Variants in PLD3 observed in about 807,000 individuals in gnomAD.
PLD3 encodes phospholipase D family member 3, also known as 5'-3' exonuclease PLD3.
In PLD3, 31 loss-of-function variants were observed where a neutral mutation model predicts 58.4. The ratio of observed to expected loss-of-function variants is 0.53; its 90% CI spans 0.40 to 0.72. The LOEUF is 0.72. PLD3 is among the 30% of genes least tolerant of loss of function. PLD3 has a pLI of 0.00. For missense variants in PLD3, 595 were observed against 659.8 expected (o/e 0.90, Z 1.08); for synonymous variants, 264 against 273.4 (o/e 0.97, Z 0.34).
intron 1 of PLD3, chr19:40,357,640 A>G (rs1018765107): frequency 6.6e-6 from 1 of 152,194 alleles, no homozygotes; most frequent in Non-Finnish European, 1.5e-5. Flanking sequence ...GACATCTAAA[A>G]TAATCTCCTC....
At chr19:40,377,127 G>A (rs1237688679) in intron 11 of PLD3, among the ~76,000 whole-genome samples, 20 of 123,290 alleles carry the variant, frequency 1.6e-4, no homozygotes, top group Non-Finnish European at 3.3e-4. Context: ...GGGTTGGAGG[G>A]CACAGAGAGA....
chr19:40,367,516 G>A, intron 5 of PLD3, 180 bp from the exon 6 acceptor site: 1 of 545,634 alleles, frequency 1.8e-6, no homozygotes, highest in South Asian at 2.7e-5. Flanking sequence ...AGGGGTTCGA[G>A]GCTGCAGTGA....
At chr19:40,375,945 C>A (rs1288777968) in intron 10 of PLD3, among the ~76,000 whole-genome samples, 1 of 151,664 alleles carries the variant, frequency 6.6e-6, no homozygotes, top group Non-Finnish European at 1.5e-5. Flanking sequence ...CCCAGCTACT[C>A]AGGAGACTGA....
intron 2 of PLD3, chr19:40,366,167 A>C: frequency 2.2e-6 from 1 of 456,984 alleles, no homozygotes. Context: ...GGGGGCTGCT[A>C]GAGGGGAGCT....
intron 7 of PLD3, 30 bp downstream of exon 7, chr19:40,370,058 G>T (rs1372032707): frequency 6.3e-7 from 1 of 1,575,102 alleles, no homozygotes; most frequent in East Asian, 2.3e-5. Flanking sequence ...GGGCTGGTCT[G>T]GGCCTGGGGG....
chr19:40,367,977 C>T, intron 6 of PLD3, 98 bp downstream of exon 6: 1 of 1,031,936 alleles, frequency 9.7e-7, no homozygotes, highest in Admixed American at 2.4e-5. Context: ...GCCCAGGAGA[C>T]AGAGGGGTGT....
chr19:40,361,301 G>A (rs2145674915), intron 1 of PLD3, among the ~76,000 whole-genome samples: 1 of 152,196 alleles, frequency 6.6e-6, no homozygotes, highest in African/African-American at 2.4e-5. Context: ...AGTAGAGACA[G>A]GGTTTCTCCA....
intron 1 of PLD3, among the ~76,000 whole-genome samples, chr19:40,361,762 C>T (rs573634633): frequency 2.2e-4 from 34 of 152,106 alleles, no homozygotes; most frequent in African/African-American, 8.2e-4. Flanking sequence ...CAATTCCACC[C>T]CCACCCCCTT....
At chr19:40,372,450 T>TCACA (rs200007070) in intron 9 of PLD3, among the ~76,000 whole-genome samples, 2,113 of 151,770 alleles carry the variant, frequency 0.014, 28 homozygotes, top group Non-Finnish European at 0.023. Flanking sequence ...TGAGCCATGA[T>TCACA]CACACCACTG....
At chr19:40,353,132 A>G (rs2078559606) in intron 1 of PLD3, among the ~76,000 whole-genome samples, 1 of 152,160 alleles carries the variant, frequency 6.6e-6, no homozygotes, top group Non-Finnish European at 1.5e-5. Flanking sequence ...CTGCCCTGGA[A>G]TACAACTGAG....
intron 1 of PLD3, among the ~76,000 whole-genome samples, chr19:40,354,571 G>T (rs943933982): frequency 6.6e-6 from 1 of 151,362 alleles, no homozygotes; most frequent in African/African-American, 2.5e-5. Flanking sequence ...TGTCACCCAG[G>T]CTGGTGTGCA....
At chr19:40,367,558 G>A in intron 5 of PLD3, 138 bp from the exon 6 acceptor site, 2 of 678,136 alleles carry the variant, frequency 2.9e-6, no homozygotes, top group South Asian at 2.3e-5. Context: ...TTCCAGCCTG[G>A]GGGACAGGGC....
chr19:40,375,284 G>GC (rs930314188), intron 10 of PLD3, among the ~76,000 whole-genome samples: 12 of 151,790 alleles, frequency 7.9e-5, no homozygotes, highest in African/African-American at 2.7e-4. Flanking sequence ...AGGATGAGGG[G>GC]CTTGGGGGAT....
intron 1 of PLD3, among the ~76,000 whole-genome samples, chr19:40,361,128 G>A (rs1427730932): frequency 3.3e-5 from 5 of 150,538 alleles, no homozygotes; most frequent in African/African-American, 4.9e-5. Context: ...TTTTTTTTTC[G>A]AGATGGAGTT....
intron 11 of PLD3, 137 bp downstream of exon 11, chr19:40,376,911 C>CCAGGGT (rs1380425261): frequency 1.2e-6 from 1 of 847,036 alleles, no homozygotes; most frequent in East Asian, 2.7e-5. Context: ...TGGGTCAGGG[C>CCAGGGT]CAGGGTCATG....
chr19:40,370,400 CG>C, intron 8 of PLD3, 163 bp downstream of exon 8: 1 of 713,652 alleles, frequency 1.4e-6, no homozygotes, highest in African/African-American at 1.8e-5. Flanking sequence ...AAGCCATGCA[CG>C]GTGGCTCACA....
At position 40,348,696 on chromosome 19, in the gene PLD3, G is replaced by C. The variant is rs751444939; in HGVS notation, c.-351G>C. On this transcript the variant is annotated 5_prime_UTR_variant, in exon 1 of 13. Transcript: ENST00000409735. ...AGTGCGCCTGCGCGCGGCTAGGAGG[G>C]GCCGTCAGGCGGGGATACAGCCTGG... is the stretch of plus-strand genomic sequence containing the variant. 3 of 680,586 alleles carry C rather than the reference G, an allele frequency of 4.4e-6. No homozygotes were observed. Among genetic ancestry groups the C allele is most frequent in the African/African-American group, 1.9e-5 (1 of 52,236 alleles). 42.2% of individuals were successfully genotyped at this position (680,586 alleles called of 1,614,324 possible).
chr19:40,367,903 C>T (rs372595569), intron 6 of PLD3, 24 bp downstream of exon 6: 278 of 1,518,290 alleles, frequency 1.8e-4, no homozygotes, highest in Non-Finnish European at 2.3e-4. Context: ...TGGCCCTGGC[C>T]GGCAGCAGGG....
chr19:40,353,228 G>A (rs931269110), intron 1 of PLD3, among the ~76,000 whole-genome samples: 5 of 152,068 alleles, frequency 3.3e-5, no homozygotes, highest in Admixed American at 1.3e-4. Context: ...TCAGGAGTTC[G>A]AGACCAGCCT....
Sources: allele counts gnomAD v4.1 joint callset (sites outside exome capture counted in the v4.1 genomes callset), GRCh38; gene constraint gnomAD v4.1.1; transcripts MANE v1.5; gene names NCBI Gene and HGNC (gene_info 2026-07-23, HGNC 2026-07-21).